Variants in HSPH1 observed in about 807,000 individuals in gnomAD.
HSPH1 encodes the protein heat shock protein family H (Hsp110) member 1.
A neutral mutation model predicts 100.0 loss-of-function variants in HSPH1; 40 were observed. The observed-to-expected ratio is 0.40, with a 90% CI of 0.31 to 0.52. The LOEUF (loss-of-function observed/expected upper bound fraction) is 0.52, where lower values mean the gene tolerates loss of function less well. Ranked by LOEUF, HSPH1 falls within the 20% of genes least tolerant of loss-of-function variation. HSPH1 has a pLI of 0.54. For missense variants in HSPH1, 876 were observed against 1,015.1 expected (o/e 0.86, Z 1.86); for synonymous variants, 403 against 344.0 (o/e 1.17, Z -1.90).
chr13:31,155,709 G>A, intron 2 of HSPH1, 55 bp from the exon 3 acceptor site: 1 of 1,391,114 alleles, frequency 7.2e-7, no homozygotes, highest in South Asian at 1.3e-5. Flanking sequence ...CCACCTACCA[G>A]TAATTTTAGT....
Position 31,145,583 on chromosome 13 carries a change from G to A in HSPH1, c.1564C>T (p.Pro522Ser). Residue 522 changes from proline (P) to serine (S), a missense_variant, in exon 11 of 18, where the codon CCA becomes TCA. By Grantham distance (74) the Pro-to-Ser change is moderately conservative. Coordinates refer to ENST00000320027, the MANE Select transcript of HSPH1 (RefSeq NM_006644.4). ...CTTACATCAGTGTCTGGGTTTTCTG[G>A]TGGTCTCTGATTCAGACACTCCATG... ...ADMECLNQRP[P>S]ENPDTDKNVQ... 6.2e-7 allele frequency: 1 copy of A among 1,613,144 alleles called. No individual in the cohort carries two copies. The highest frequency in any genetic ancestry group is 8.5e-7 in the Non-Finnish European group (1 of 1,179,556).
intron 10 of HSPH1, 32 bp downstream of exon 10, chr13:31,147,924 CTAA>C (rs1292202494): frequency 6.5e-7 from 1 of 1,534,154 alleles, no homozygotes. Context: ...AAGTCTTTAA[CTAA>C]AAGAGTAAAA....
intron 17 of HSPH1, 24 bp from the exon 18 acceptor site, chr13:31,137,548 T>A: frequency 6.5e-7 from 1 of 1,538,204 alleles, no homozygotes. Flanking sequence ...AAACTAGTTA[T>A]CAGATTAACT....
At chr13:31,161,126 G>T (rs538797627) in intron 1 of HSPH1, among the ~76,000 whole-genome samples, 66 of 152,330 alleles carry the variant, frequency 4.3e-4, no homozygotes, top group Non-Finnish European at 7.8e-4. Flanking sequence ...GCAGGCTGCA[G>T]CCTGCCAAGA....
rs370934448 is a variant in HSPH1 at position 31,137,457 on chromosome 13, T to C, written c.2438A>G (p.Glu813Gly). 5 of 1,613,594 alleles carry C rather than the reference T, an allele frequency of 3.1e-6. No individual in the cohort carries two copies. The highest frequency in any genetic ancestry group is 4.2e-6 in the Non-Finnish European group (5 of 1,179,744). ...PKPKIESPKL[E>G]RTPNGPNIDK... ...AATATTTGGGCCATTTGGAGTTCTT[T>C]CCAGTTTGGGTGATTCAATTTTTGG... Residue 813 changes from glutamate to glycine, a missense_variant, in exon 18 of 18, where the codon GAA (glutamate) becomes GGA (glycine). Coordinates refer to ENST00000320027, the MANE Select transcript of HSPH1 (RefSeq NM_006644.4).
chr13:31,137,643 T>C (rs1593706830), intron 17 of HSPH1, 119 bp from the exon 18 acceptor site: 1 of 706,928 alleles, frequency 1.4e-6, no homozygotes, highest in African/African-American at 1.8e-5. Context: ...CATAAAATAA[T>C]TACATTTTCT....
At chr13:31,158,482 G>A (rs1371859941) in intron 2 of HSPH1, among the ~76,000 whole-genome samples, 1 of 150,558 alleles carries the variant, frequency 6.6e-6, no homozygotes, top group Non-Finnish European at 1.5e-5. Flanking sequence ...CCGGGAGGCG[G>A]AGGTTGCAGT....
intron 10 of HSPH1, 62 bp from the exon 11 acceptor site, chr13:31,145,830 T>C: frequency 6.6e-7 from 1 of 1,509,498 alleles, no homozygotes. Flanking sequence ...TCTAAATCTC[T>C]GTAGAGGAGG....
At chr13:31,160,804 T>A (rs919064510) in intron 1 of HSPH1, among the ~76,000 whole-genome samples, 2 of 152,190 alleles carry the variant, frequency 1.3e-5, no homozygotes, top group Admixed American at 6.5e-5. Context: ...GACGTTTACA[T>A]CTTTCGACAA....
rs544297169 is a variant in HSPH1 at position 31,161,886 on chromosome 13, G to C, written c.-304C>G. ...CTGCCGCGGCTCGCACACCGGCGCCGGCGCTGAACTACCGACCCAAAAGGG... is the reference window on the plus strand; with the variant it reads ...CTGCCGCGGCTCGCACACCGGCGCCCGCGCTGAACTACCGACCCAAAAGGG... On this transcript the variant is annotated 5_prime_UTR_variant, in exon 1 of 18. Transcript: ENST00000320027. 1.3e-6 allele frequency: 2 copies of C among 1,489,292 alleles called. No homozygotes were observed. Among genetic ancestry groups the C allele is most frequent in the African/African-American group, 1.4e-5 (1 of 71,750 alleles). 92.3% of individuals were successfully genotyped at this position (1,489,292 alleles called of 1,614,324 possible). A position where few individuals can be genotyped will look rare whatever the true frequency, so the allele number is the denominator to read the frequency against.
chr13:31,153,235 T>C (rs1487583196), intron 4 of HSPH1, among the ~76,000 whole-genome samples: 1 of 152,176 alleles, frequency 6.6e-6, no homozygotes, highest in African/African-American at 2.4e-5. Flanking sequence ...TATTCAAAGT[T>C]ACATAAATCT....
At chr13:31,144,034 G>T in intron 11 of HSPH1, 111 bp from the exon 12 acceptor site, 1 of 941,110 alleles carries the variant, frequency 1.1e-6, no homozygotes, top group Non-Finnish European at 1.5e-6. Flanking sequence ...ATCTTAACAG[G>T]TGGGGAGAAA....
chr13:31,142,498 T>A (rs1187967211), intron 12 of HSPH1, among the ~76,000 whole-genome samples: 1 of 151,948 alleles, frequency 6.6e-6, no homozygotes, highest in Admixed American at 6.6e-5. Context: ...ATGAATCCAA[T>A]CAAACATACA....
intron 10 of HSPH1, 52 bp downstream of exon 10, chr13:31,147,907 A>G: frequency 6.8e-7 from 1 of 1,463,864 alleles, no homozygotes; most frequent in Non-Finnish European, 9.2e-7. Flanking sequence ...ACAATGAGTG[A>G]GAAGCTAAGT....
intron 6 of HSPH1, 52 bp downstream of exon 6, chr13:31,151,557 A>C (rs1189946394): frequency 7.1e-6 from 11 of 1,539,922 alleles, no homozygotes; most frequent in Non-Finnish European, 9.6e-6. Flanking sequence ...AGTAGCTTAA[A>C]GTCACAACAC....
rs180878011 is a variant in HSPH1, at chr13:31,135,440, C to T, written c.*1878G>A. 1 of 152,252 alleles carries T rather than the reference C, an allele frequency of 6.6e-6. No individual in the cohort carries two copies. Among genetic ancestry groups the T allele is most frequent in the Admixed American group, 6.5e-5 (1 of 15,300 alleles). The allele number at this position is 152,252 out of a possible 1,614,324, so 9.4% of individuals were successfully genotyped here. A position where few individuals can be genotyped will look rare whatever the true frequency, so the allele number is the denominator to read the frequency against. Reference sequence around the variant, plus strand: ...AAAAACCAAAGAAACATATTAACTGCATAAAAATTTAAAGTTGCTAAATGG... The same window carrying T: ...AAAAACCAAAGAAACATATTAACTGTATAAAAATTTAAAGTTGCTAAATGG... On this transcript the variant is annotated 3_prime_UTR_variant, in exon 18 of 18. Transcript: ENST00000320027.
intron 8 of HSPH1, 139 bp downstream of exon 8, chr13:31,149,815 C>T (rs758140319): frequency 1.5e-6 from 1 of 655,696 alleles, no homozygotes; most frequent in Admixed American, 2.5e-5. Context: ...AGCCTTATCT[C>T]CCTACAGCTT....
intron 12 of HSPH1, among the ~76,000 whole-genome samples, chr13:31,142,056 C>A (rs1245700257): frequency 3.9e-5 from 6 of 151,920 alleles, no homozygotes; most frequent in Non-Finnish European, 7.4e-5. Context: ...CCTACTAATA[C>A]AAAAATGACA....
intron 6 of HSPH1, 72 bp downstream of exon 6, chr13:31,151,537 A>G: frequency 1.4e-6 from 2 of 1,398,434 alleles, no homozygotes; most frequent in African/African-American, 1.4e-5. Flanking sequence ...AAAGCCTAGT[A>G]AAGAGGCTCA....
Sources: gnomAD v4.1 joint callset for allele counts (sites outside exome capture counted in the v4.1 genomes callset) on GRCh38, gnomAD v4.1.1 for gene constraint, MANE v1.5 for transcripts, NCBI Gene and HGNC (gene_info 2026-07-23, HGNC 2026-07-21) for gene names.